XPO5: variants seen among roughly 807,000 people sequenced by gnomAD.
XPO5 encodes the protein exportin 5.
A neutral mutation model predicts 160.6 loss-of-function variants in XPO5; 46 were observed. The ratio of observed to expected loss-of-function variants is 0.29; its 90% CI spans 0.23 to 0.37. The LOEUF (loss-of-function observed/expected upper bound fraction) is 0.37. Ranked by LOEUF, XPO5 falls within the 10% of genes least tolerant of loss-of-function variation. XPO5 has a pLI of 1.00. For missense variants in XPO5, 1,090 were observed against 1,463.9 expected (o/e 0.74, Z 4.17); for synonymous variants, 537 against 519.3 (o/e 1.03, Z -0.46).
chr6:43,568,657 C>A (rs778835534), intron 6 of XPO5, 54 bp downstream of exon 6: 20 of 1,464,840 alleles, frequency 1.4e-5, no homozygotes, highest in Admixed American at 6.7e-5. Context: ...GGGCACGTAT[C>A]CCCTCACCTG....
intron 20 of XPO5, among the ~76,000 whole-genome samples, chr6:43,545,669 T>A (rs569851807): frequency 6.6e-6 from 1 of 151,736 alleles, no homozygotes; most frequent in African/African-American, 2.4e-5. Flanking sequence ...ATTGCACCAC[T>A]GCACTCCCAG....
intron 21 of XPO5, among the ~76,000 whole-genome samples, chr6:43,532,973 T>C (rs1255823668): frequency 6.6e-6 from 1 of 152,048 alleles, no homozygotes; most frequent in Non-Finnish European, 1.5e-5. Flanking sequence ...GGTGAAACCC[T>C]GTCTCTACTA....
chr6:43,556,035 T>G, intron 12 of XPO5, 71 bp from the exon 13 acceptor site: 1 of 1,577,566 alleles, frequency 6.3e-7, no homozygotes, highest in Admixed American at 1.8e-5. Context: ...TAATGTTTAT[T>G]AATTTACCAC....
intron 11 of XPO5, chr6:43,559,019 G>A (rs184282320): frequency 1.5e-4 from 24 of 155,370 alleles, no homozygotes; most frequent in East Asian, 1.3e-3. Context: ...CAGTGTGGCC[G>A]GGTGCGGTGG....
At position 43,575,975 on chromosome 6, in the gene XPO5, G is replaced by A. The variant is rs927405762; in HGVS notation, c.-111C>T. 9 of 1,055,668 alleles carry A rather than the reference G, an allele frequency of 8.5e-6. No homozygotes were observed. The highest frequency in any genetic ancestry group is 1.3e-5 in the Non-Finnish European group (9 of 715,774). The allele number at this position is 1,055,668 out of a possible 1,614,324, so 65.4% of individuals were successfully genotyped here. A position where few individuals can be genotyped will look rare whatever the true frequency, so the allele number is the denominator to read the frequency against. On this transcript the variant is annotated 5_prime_UTR_variant, in exon 1 of 32. Coordinates refer to ENST00000265351, the MANE Select transcript of XPO5 (RefSeq NM_020750.3). ...GTACCGGGCCGCGGCGGGCGGCGGG[G>A]GTGGGAAGCTGGAGGAGGAGCGTTA...
chr6:43,568,667 GA>G, intron 6 of XPO5, 43 bp downstream of exon 6: 1 of 1,512,780 alleles, frequency 6.6e-7, no homozygotes, highest in Non-Finnish European at 8.9e-7. Context: ...CCCCTCACCT[GA>G]AAGGTTCAAA....
intron 2 of XPO5, among the ~76,000 whole-genome samples, chr6:43,573,112 CAGAG>C (rs1338008962): frequency 5.9e-5 from 9 of 152,010 alleles, no homozygotes; most frequent in Admixed American, 1.3e-4. Context: ...CTCAGAAAGA[CAGAG>C]AGAAAAAAGA....
intron 20 of XPO5, among the ~76,000 whole-genome samples, chr6:43,535,645 C>T (rs765936670): frequency 1.1e-4 from 16 of 150,768 alleles, no homozygotes; most frequent in Non-Finnish European, 2.2e-4. Context: ...CCCATCTCTA[C>T]TAAAAATACA....
At chr6:43,560,732 T>C (rs1458475716) in intron 10 of XPO5, among the ~76,000 whole-genome samples, 192 bp downstream of exon 10, 2 of 152,226 alleles carry the variant, frequency 1.3e-5, no homozygotes, top group African/African-American at 2.4e-5. Flanking sequence ...GAAAAGCTGC[T>C]GACCTAGACA....
intron 20 of XPO5, among the ~76,000 whole-genome samples, chr6:43,536,758 TAAAAAAAAA>T (rs1156884252): frequency 6.3e-4 from 12 of 19,084 alleles, no homozygotes; most frequent in African/African-American, 2.9e-3. Flanking sequence ...AGACTCTATC[TAAAAAAAAA>T]AAAAAAAAAA....
At chr6:43,529,322 C>T (rs2127704704) in intron 23 of XPO5, 3 of 752,860 alleles carry the variant, frequency 4.0e-6, no homozygotes, top group Non-Finnish European at 6.2e-6. Context: ...GCGAGTGGAT[C>T]ACGGGGTCAA....
intron 12 of XPO5, among the ~76,000 whole-genome samples, chr6:43,557,748 C>T (rs1762172865): frequency 8.3e-6 from 1 of 120,292 alleles, no homozygotes. Flanking sequence ...TGTGGGTGAA[C>T]TGTATGGTAA....
chr6:43,567,476 T>A, intron 6 of XPO5, 122 bp from the exon 7 acceptor site: 3 of 848,436 alleles, frequency 3.5e-6, no homozygotes, highest in African/African-American at 1.7e-5. Context: ...TATACTCATG[T>A]AACAGTCACA....
intron 14 of XPO5, 88 bp downstream of exon 14, chr6:43,553,285 G>A: frequency 6.9e-7 from 1 of 1,455,122 alleles, no homozygotes; most frequent in East Asian, 2.5e-5. Flanking sequence ...CTGAGCAACA[G>A]AGAGATATAG....
At chr6:43,540,661 AT>A (rs1433465412) in intron 20 of XPO5, among the ~76,000 whole-genome samples, 2 of 152,150 alleles carry the variant, frequency 1.3e-5, no homozygotes, top group African/African-American at 4.8e-5. Context: ...TTCAAAAAAA[AT>A]AAATTAAAAA....
intron 12 of XPO5, among the ~76,000 whole-genome samples, chr6:43,557,104 G>A (rs1463793297): frequency 8.8e-5 from 13 of 148,316 alleles, no homozygotes; most frequent in Non-Finnish European, 1.9e-4. Context: ...CTCCAGCCTG[G>A]GCGACAGAGC....
rs765419054 is a variant in XPO5 at position 43,522,615 on chromosome 6, T to G, written c.*1253A>C. 5 of 390,228 alleles carry G rather than the reference T, an allele frequency of 1.3e-5. No individual in the cohort carries two copies. The highest frequency in any genetic ancestry group is 2.8e-5 in the Non-Finnish European group (5 of 176,556). 24.2% of individuals were successfully genotyped at this position (390,228 alleles called of 1,614,324 possible). A position where few individuals can be genotyped will look rare whatever the true frequency, so the allele number is the denominator to read the frequency against. On this transcript the variant is annotated 3_prime_UTR_variant, in exon 32 of 32. Transcript: ENST00000265351. ...GGAGCAACACAAGACTCCCAACTTCTGCTTCCCCAGCTTTGCTTCTTCTCA... is the reference window on the plus strand; with the variant it reads ...GGAGCAACACAAGACTCCCAACTTCGGCTTCCCCAGCTTTGCTTCTTCTCA...
At chr6:43,537,898 A>C (rs1096643) in intron 20 of XPO5, among the ~76,000 whole-genome samples, 4 of 151,714 alleles carry the variant, frequency 2.6e-5, no homozygotes, top group African/African-American at 9.7e-5. Context: ...AAAACCCTGT[A>C]TCTACTAAAA....
intron 20 of XPO5, chr6:43,539,296 G>A (rs1021310070): frequency 4.9e-5 from 75 of 1,541,488 alleles, no homozygotes; most frequent in Middle Eastern, 1.9e-4. Flanking sequence ...CCAGACCGAC[G>A]TGGCCACTGT....
Sources: gnomAD v4.1 joint callset for allele counts (sites outside exome capture counted in the v4.1 genomes callset) on GRCh38, gnomAD v4.1.1 for gene constraint, MANE v1.5 for transcripts, NCBI Gene and HGNC (gene_info 2026-07-23, HGNC 2026-07-21) for gene names.